The following MGMT variants were observed in gnomAD, a reference collection of about 807,000 sequenced individuals.
The protein encoded by MGMT is O-6-methylguanine-DNA methyltransferase.
Under a neutral mutation model 15.9 loss-of-function variants are expected in MGMT, and 14 were observed. The observed-to-expected ratio is 0.88, with a 90% CI of 0.58 to 1.37. The LOEUF is 1.37. MGMT is among the 40% of genes most tolerant of loss of function. The probability of loss-of-function intolerance (pLI) is 0.00; values close to 1 mark genes in which losing one functional copy is unlikely to be tolerated. For missense variants in MGMT, 282 were observed against 268.1 expected, an observed-to-expected ratio of 1.05 and a Z score of -0.36; for synonymous variants, 130 against 118.2, an observed-to-expected ratio of 1.10 and a Z score of -0.65.
At chr10:129,585,819 A>G (rs1321979329) in intron 2 of MGMT, among the ~76,000 whole-genome samples, 2 of 152,248 alleles carry the variant, frequency 1.3e-5, no homozygotes, top group African/African-American at 4.8e-5. Context: ...AATAAAGTTT[A>G]CTTTGTAAAC....
chr10:129,705,504 T>C (rs1848150549), intron 2 of MGMT, among the ~76,000 whole-genome samples: 1 of 152,240 alleles, frequency 6.6e-6, no homozygotes. Flanking sequence ...AGAGGAAACC[T>C]TTTTAACTAT....
At chr10:129,608,224 T>A (rs1331956333) in intron 2 of MGMT, among the ~76,000 whole-genome samples, 1 of 152,226 alleles carries the variant, frequency 6.6e-6, no homozygotes, top group Admixed American at 6.5e-5. Context: ...TTAAAGAGGC[T>A]GTTGAATTTA....
At position 129,770,481 on chromosome 10, in the gene MGMT, C is replaced by T. The variant is rs780203883; in HGVS notation, c.*3484C>T. Among the ~76,000 whole-genome samples, 2 of 152,192 alleles carry T rather than the reference C, an allele frequency of 1.3e-5. No homozygotes were observed. The highest frequency in any genetic ancestry group is 1.9e-4 in the East Asian group (1 of 5,174). On this transcript the variant is annotated 3_prime_UTR_variant, in exon 5 of 5. Transcript: ENST00000651593. ...CAGCCCTGGGGGCCACGTCCCCTCC[C>T]GGTCTCATCTGCCGCTTGCTCACCT... is the stretch of plus-strand genomic sequence containing the variant.
chr10:129,587,654 A>T (rs1238661971), intron 2 of MGMT, among the ~76,000 whole-genome samples: 4 of 151,118 alleles, frequency 2.6e-5, no homozygotes, highest in Non-Finnish European at 5.9e-5. Flanking sequence ...ATGCCCAGCT[A>T]ATTTTTATAT....
chr10:129,472,053 A>T (rs1845237841), intron 1 of MGMT, among the ~76,000 whole-genome samples: 1 of 152,246 alleles, frequency 6.6e-6, no homozygotes, highest in Non-Finnish European at 1.5e-5. Flanking sequence ...GGCAACCCGT[A>T]TCATATTTCA....
At chr10:129,766,722 G>A in intron 4 of MGMT, 66 bp from the exon 5 acceptor site, 2 of 1,454,542 alleles carry the variant, frequency 1.4e-6, no homozygotes, top group Non-Finnish European at 1.9e-6. Context: ...CAGGGCCTTG[G>A]CCTTGACCCC....
At chr10:129,652,286 C>T (rs1410041336) in intron 2 of MGMT, among the ~76,000 whole-genome samples, 4 of 152,220 alleles carry the variant, frequency 2.6e-5, no homozygotes, top group Admixed American at 6.5e-5. Context: ...TTCCTCTGGC[C>T]CCAGCAGCCC....
chr10:129,702,810 C>T (rs554618418), intron 2 of MGMT, among the ~76,000 whole-genome samples: 11 of 152,344 alleles, frequency 7.2e-5, no homozygotes, highest in Non-Finnish European at 1.5e-4. Flanking sequence ...CTGGGGAAGA[C>T]TGGGACGTGG....
intron 2 of MGMT, among the ~76,000 whole-genome samples, chr10:129,548,731 C>A (rs1331500879): frequency 6.6e-6 from 1 of 152,150 alleles, no homozygotes; most frequent in Non-Finnish European, 1.5e-5. Context: ...TCAGTCCCAC[C>A]TGCAGCTTTC....
At chr10:129,513,524 G>A (rs1236608816) in intron 1 of MGMT, among the ~76,000 whole-genome samples, 1 of 152,144 alleles carries the variant, frequency 6.6e-6, no homozygotes, top group East Asian at 1.9e-4. Context: ...CAGCAGCTCA[G>A]AGCAGGAGGC....
At chr10:129,622,300 G>A (rs1847099478) in intron 2 of MGMT, among the ~76,000 whole-genome samples, 2 of 152,158 alleles carry the variant, frequency 1.3e-5, no homozygotes, top group Admixed American at 6.5e-5. Context: ...GCCATGTTTT[G>A]GTGTTTAAGC....
chr10:129,668,116 G>A (rs1847680240), intron 2 of MGMT, among the ~76,000 whole-genome samples: 1 of 152,068 alleles, frequency 6.6e-6, no homozygotes, highest in South Asian at 2.1e-4. Context: ...TATGATTGGT[G>A]CATTTTGTCA....
intron 2 of MGMT, among the ~76,000 whole-genome samples, chr10:129,540,614 T>G (rs774988949): frequency 3.3e-5 from 5 of 152,226 alleles, no homozygotes; most frequent in Non-Finnish European, 7.3e-5. Context: ...GTAGAATAAA[T>G]TTTTAGAATT....
chr10:129,722,991 G>C (rs1370204805), intron 3 of MGMT, among the ~76,000 whole-genome samples: 1 of 120,868 alleles, frequency 8.3e-6, no homozygotes, highest in Non-Finnish European at 1.6e-5. Context: ...GGGTGACAGA[G>C]GAAGACTCTA....
At chr10:129,525,818 C>T (rs1845863419) in intron 1 of MGMT, among the ~76,000 whole-genome samples, 1 of 152,128 alleles carries the variant, frequency 6.6e-6, no homozygotes, top group Non-Finnish European at 1.5e-5. Flanking sequence ...TGTTTGCATG[C>T]GTGTAGCCGG....
intron 2 of MGMT, among the ~76,000 whole-genome samples, chr10:129,604,750 G>A (rs1236586421): frequency 3.6e-4 from 5 of 14,002 alleles, no homozygotes; most frequent in Admixed American, 2.7e-3. Context: ...CCCTCCCCCC[G>A]GCTTTCAGGC....
chr10:129,649,514 TCAG>T (rs1457992046), intron 2 of MGMT, among the ~76,000 whole-genome samples: 1 of 152,172 alleles, frequency 6.6e-6, no homozygotes, highest in Non-Finnish European at 1.5e-5. Context: ...ATTCTTGAGT[TCAG>T]CAAATATTGG....
chr10:129,661,440 G>A (rs543960103), intron 2 of MGMT, among the ~76,000 whole-genome samples: 1 of 152,196 alleles, frequency 6.6e-6, no homozygotes, highest in South Asian at 2.1e-4. Context: ...CTCTGCAGAG[G>A]ATTTCTAAAA....
chr10:129,628,634 A>G (rs1397588558), intron 2 of MGMT, among the ~76,000 whole-genome samples: 4 of 152,188 alleles, frequency 2.6e-5, no homozygotes, highest in Non-Finnish European at 5.9e-5. Flanking sequence ...AAAGAACTCA[A>G]TGAGTCCACA....
Sources: allele counts gnomAD v4.1 joint callset (sites outside exome capture counted in the v4.1 genomes callset), GRCh38; gene constraint gnomAD v4.1.1; transcripts MANE v1.5; gene names NCBI Gene and HGNC (gene_info 2026-07-23, HGNC 2026-07-21).